Variants in BAZ2B observed in about 807,000 individuals in gnomAD.
BAZ2B encodes bromodomain adjacent to zinc finger domain 2B.
In BAZ2B, 91 loss-of-function variants were observed where a neutral mutation model predicts 246.0. That is an observed-to-expected ratio of 0.37 (90% CI 0.31 to 0.44). The LOEUF is 0.44. BAZ2B is among the 20% of genes least tolerant of loss of function. BAZ2B has a pLI of 1.00. For missense variants in BAZ2B, 2,332 were observed against 2,533.7 expected (o/e 0.92, Z 1.71); for synonymous variants, 855 against 860.0 (o/e 0.99, Z 0.10).
rs2058293215 is a variant in BAZ2B at position 159,349,172 on chromosome 2, A to T, written c.4972T>A (p.Leu1658Ile). The change falls in exon 29 of 37, where the codon TTA (leucine) becomes ATA (isoleucine). Residue 1658 changes from leucine to isoleucine, a missense_variant. Around this residue, in one of 9 missense-constraint regions of BAZ2B, gnomAD observed 676 missense variants for 668.6 expected, o/e 1.01. Coordinates refer to ENST00000392783, the MANE Select transcript of BAZ2B (RefSeq NM_013450.4). ...TSSVPSLGSG[L>I]GLSEGNGNSF... ...TTACCATTTCCTTCTGATAACCCTA[A>T]CCCCGATCCTAGACTAGGTACAGAT... 1 of 1,614,042 alleles carries T rather than the reference A, an allele frequency of 6.2e-7. No individual in the cohort carries two copies. Among genetic ancestry groups the T allele is most frequent in the African/African-American group, 1.3e-5 (1 of 75,022 alleles).
intron 1 of BAZ2B, among the ~76,000 whole-genome samples, chr2:159,595,171 C>A (rs1690381006): frequency 6.6e-6 from 1 of 151,520 alleles, no homozygotes; most frequent in African/African-American, 2.4e-5. Context: ...GGCATGACCT[C>A]GGCTCACCGC....
intron 2 of BAZ2B, among the ~76,000 whole-genome samples, chr2:159,528,246 A>AG (rs1339020988): frequency 4.6e-5 from 7 of 152,182 alleles, no homozygotes; most frequent in African/African-American, 1.4e-4. Context: ...GACACTAGTT[A>AG]GGGGGTTACT....
At chr2:159,488,295 A>G (rs2080066082) in intron 2 of BAZ2B, among the ~76,000 whole-genome samples, 1 of 151,534 alleles carries the variant, frequency 6.6e-6, no homozygotes. Flanking sequence ...CTGGTCTTGA[A>G]CTCCTGACCT....
chr2:159,520,721 A>G (rs563910482), intron 2 of BAZ2B, among the ~76,000 whole-genome samples: 17 of 152,310 alleles, frequency 1.1e-4, no homozygotes, highest in African/African-American at 4.1e-4. Flanking sequence ...CCCATATTTA[A>G]TCAAACCTTG....
At position 159,525,853 on chromosome 2, in the gene BAZ2B, C is replaced by A. The variant is rs1378156477; in HGVS notation, c.-3+29970G>T. On this transcript the variant is annotated intron_variant, in intron 2 of 36. Coordinates refer to ENST00000392783, the MANE Select transcript of BAZ2B (RefSeq NM_013450.4). ...ACTTTAAGACCTTATTGGAGATGAC[C>A]TTAAATACCACACTAAGTGTTTGAT... Among the ~76,000 whole-genome samples, 3 of 152,122 alleles carry A rather than the reference C, an allele frequency of 2.0e-5. 1 individual carries two copies. The highest frequency in any genetic ancestry group is 2.0e-4 in the Admixed American group (3 of 15,280).
chr2:159,384,765 A>T (rs2062427334), intron 23 of BAZ2B, among the ~76,000 whole-genome samples: 1 of 152,188 alleles, frequency 6.6e-6, no homozygotes, highest in Admixed American at 6.6e-5. Context: ...ATGGCTACTA[A>T]GCAAAATCAG....
At chr2:159,393,698 T>C (rs183185845) in intron 20 of BAZ2B, among the ~76,000 whole-genome samples, 4 of 152,314 alleles carry the variant, frequency 2.6e-5, no homozygotes, top group East Asian at 1.9e-4. Context: ...CTCAGTTTTA[T>C]TGGAAGAACT....
At chr2:159,330,130 C>T (rs1309484396) in intron 34 of BAZ2B, among the ~76,000 whole-genome samples, 1 of 152,174 alleles carries the variant, frequency 6.6e-6, no homozygotes, top group Non-Finnish European at 1.5e-5. Flanking sequence ...AGACCACTTG[C>T]TATCTTGTGA....
At chr2:159,494,449 T>C (rs906600269) in intron 2 of BAZ2B, among the ~76,000 whole-genome samples, 1 of 152,188 alleles carries the variant, frequency 6.6e-6, no homozygotes, top group East Asian at 1.9e-4. Flanking sequence ...TATTTATACA[T>C]ATAAGTACAT....
At chr2:159,678,053 T>C in the BAZ2B span, among the ~76,000 whole-genome samples, 3 of 152,218 alleles carry the variant, frequency 2.0e-5, no homozygotes, top group African/African-American at 7.2e-5. Context: ...CTCACGCTAT[T>C]ACAGTTAGAA....
At chr2:159,449,224 T>C (rs2074693089) in intron 4 of BAZ2B, among the ~76,000 whole-genome samples, 1 of 152,170 alleles carries the variant, frequency 6.6e-6, no homozygotes, top group African/African-American at 2.4e-5. Flanking sequence ...CCAAATTTTA[T>C]ACATTTTTCA....
intron 2 of BAZ2B, 60 bp from the exon 3 acceptor site, chr2:159,478,781 C>A: frequency 7.7e-7 from 1 of 1,293,308 alleles, no homozygotes; most frequent in Non-Finnish European, 1.0e-6. Context: ...CAAAAGAATT[C>A]AACATAAACT....
chr2:159,675,765 C>T, the BAZ2B span, among the ~76,000 whole-genome samples: 7 of 151,870 alleles, frequency 4.6e-5, no homozygotes, highest in African/African-American at 9.7e-5. Flanking sequence ...TTTTTGAGAT[C>T]GGGTCTCACT....
chr2:159,362,281 C>T (rs552940860), intron 27 of BAZ2B, among the ~76,000 whole-genome samples: 11 of 152,154 alleles, frequency 7.2e-5, no homozygotes. Flanking sequence ...CTGTTCTCAG[C>T]GTCCTCCCTA....
At chr2:159,394,509 A>G (rs1285734682) in intron 20 of BAZ2B, among the ~76,000 whole-genome samples, 1 of 152,230 alleles carries the variant, frequency 6.6e-6, no homozygotes, top group Non-Finnish European at 1.5e-5. Flanking sequence ...AGACAGCAGG[A>G]AAAGTGTTGG....
At chr2:159,402,028 G>A (rs1559278693) in intron 16 of BAZ2B, among the ~76,000 whole-genome samples, 1 of 152,018 alleles carries the variant, frequency 6.6e-6, no homozygotes. Context: ...ATTCCCTGCA[G>A]GATTCTACTG....
chr2:159,336,584 C>T (rs1448606708), intron 33 of BAZ2B, among the ~76,000 whole-genome samples: 1 of 152,180 alleles, frequency 6.6e-6, no homozygotes, highest in Non-Finnish European at 1.5e-5. Context: ...GACATTTTAG[C>T]TACGCAGTAA....
chr2:159,339,228 C>G (rs984671713), intron 31 of BAZ2B, among the ~76,000 whole-genome samples: 2 of 152,120 alleles, frequency 1.3e-5, no homozygotes, highest in African/African-American at 2.4e-5. Flanking sequence ...CTGCCGCCAA[C>G]CACTCAGAAA....
At chr2:159,355,743 A>G (rs1232366081) in intron 27 of BAZ2B, among the ~76,000 whole-genome samples, 4 of 152,190 alleles carry the variant, frequency 2.6e-5, no homozygotes, top group Admixed American at 2.0e-4. Context: ...TCCCAGCGAG[A>G]TCAACACAGA....
Sources: allele counts gnomAD v4.1 joint callset (sites outside exome capture counted in the v4.1 genomes callset), GRCh38; gene constraint gnomAD v4.1.1; regional missense constraint gnomAD v4.1.1; transcripts MANE v1.5; gene names NCBI Gene and HGNC (gene_info 2026-07-23, HGNC 2026-07-21).